The following EGFLAM variants were observed in gnomAD, a reference collection of about 807,000 sequenced individuals.
EGFLAM encodes the protein EGF like, fibronectin type III and laminin G domains.
Under a neutral mutation model 113.1 loss-of-function variants are expected in EGFLAM, and 79 were observed. The observed-to-expected ratio is 0.70, with a 90% CI of 0.58 to 0.84. The LOEUF is 0.84. Ranked by LOEUF, EGFLAM falls within the 40% of genes least tolerant of loss-of-function variation. The probability of loss-of-function intolerance (pLI) is 0.00; values close to 1 mark genes in which losing one functional copy is unlikely to be tolerated. For synonymous variants in EGFLAM, 504 were observed against 487.6 expected, an observed-to-expected ratio of 1.03 and a Z score of -0.44; for missense variants, 1,265 against 1,291.6, an observed-to-expected ratio of 0.98 and a Z score of 0.32.
chr5:38,458,203 A>C (rs1036280868), intron 19 of EGFLAM, 108 bp from the exon 20 acceptor site: 3 of 927,216 alleles, frequency 3.2e-6, no homozygotes, highest in African/African-American at 1.6e-5. Context: ...AGGAAACTGC[A>C]CTCTGAGTTG....
chr5:38,397,803 A>G (rs1741000491), intron 6 of EGFLAM, among the ~76,000 whole-genome samples: 1 of 150,900 alleles, frequency 6.6e-6, no homozygotes, highest in African/African-American at 2.5e-5. Flanking sequence ...CCCCATGAGC[A>G]AAGGGGACTT....
intron 1 of EGFLAM, among the ~76,000 whole-genome samples, chr5:38,328,567 C>T (rs928933905): frequency 1.3e-5 from 2 of 152,092 alleles, no homozygotes; most frequent in African/African-American, 4.8e-5. Context: ...AGCAATTTTT[C>T]GAGAGTAGTG....
intron 1 of EGFLAM, among the ~76,000 whole-genome samples, chr5:38,260,321 A>G (rs1757468284): frequency 6.6e-6 from 1 of 152,368 alleles, no homozygotes; most frequent in East Asian, 1.9e-4. Flanking sequence ...AGTTATATCT[A>G]TAGTTTTAAA....
At chr5:38,361,745 G>A (rs1381847696) in intron 5 of EGFLAM, among the ~76,000 whole-genome samples, 1 of 152,196 alleles carries the variant, frequency 6.6e-6, no homozygotes, top group Non-Finnish European at 1.5e-5. Flanking sequence ...TGATCTAGAG[G>A]ATGCCAGCAA....
chr5:38,450,742 C>T (rs1453424117), intron 18 of EGFLAM, among the ~76,000 whole-genome samples: 1 of 152,202 alleles, frequency 6.6e-6, no homozygotes, highest in East Asian at 1.9e-4. Context: ...AGCACCCCTC[C>T]TTTCCTCGAA....
At chr5:38,303,773 G>T (rs1758653910) in intron 1 of EGFLAM, among the ~76,000 whole-genome samples, 1 of 152,110 alleles carries the variant, frequency 6.6e-6, no homozygotes, top group Non-Finnish European at 1.5e-5. Flanking sequence ...CCAAAAAAAT[G>T]GTAACAGTCA....
chr5:38,375,060 G>GTTTTTTT (rs74821426), intron 6 of EGFLAM, among the ~76,000 whole-genome samples: 7 of 107,732 alleles, frequency 6.5e-5, no homozygotes, highest in African/African-American at 2.5e-4. Flanking sequence ...CTCTGTTGTT[G>GTTTTTTT]TTTTTTTTTT....
chr5:38,397,639 C>T (rs546319277), intron 6 of EGFLAM, among the ~76,000 whole-genome samples: 1 of 152,234 alleles, frequency 6.6e-6, no homozygotes, highest in Non-Finnish European at 1.5e-5. Flanking sequence ...GCTGTTTGCT[C>T]ACCATGTTTC....
At position 38,284,315 on chromosome 5, in the gene EGFLAM, A is replaced by G. The variant is rs376992479; in HGVS notation, c.97+25464A>G. On this transcript the variant is annotated intron_variant, in intron 1 of 21. Transcript: ENST00000322350. ...TGGATTCTTTAGAGCCAGGGTTAAC[A>G]AACTTTTTTTTGTAACAGGTCAGAC... Among the ~76,000 whole-genome samples the G allele has an allele frequency of 1.8e-4, 27 of 152,352 alleles. No homozygotes were observed. In the South Asian group the frequency reaches 5.6e-3, roughly 32 times the overall value.
At chr5:38,262,889 A>G (rs1227655023) in intron 1 of EGFLAM, among the ~76,000 whole-genome samples, 2 of 152,198 alleles carry the variant, frequency 1.3e-5, no homozygotes, top group Admixed American at 1.3e-4. Flanking sequence ...GTTGAGCTGG[A>G]TAAGAAATCA....
intron 3 of EGFLAM, among the ~76,000 whole-genome samples, chr5:38,341,421 C>T (rs559489670): frequency 2.0e-5 from 3 of 152,276 alleles, no homozygotes; most frequent in East Asian, 3.9e-4. Flanking sequence ...CTCACTATCA[C>T]GAGAACAGCA....
chr5:38,366,091 T>C (rs1740052014), intron 5 of EGFLAM, among the ~76,000 whole-genome samples: 1 of 152,170 alleles, frequency 6.6e-6, no homozygotes. Flanking sequence ...TTTGTCTGTC[T>C]CTTATGTAAA....
In EGFLAM at chr5:38,410,457, C is replaced by T. The variant is rs532312580; in HGVS notation, c.1349+1353C>T. On this transcript the variant is annotated intron_variant, in intron 10 of 21. Transcript: ENST00000322350. ...TTCAGGGTAAGCCTGTTTTGCAATG[C>T]CTCTTGACTGCATCTCACTTCACTG... is the stretch of plus-strand genomic sequence containing the variant. Among the ~76,000 whole-genome samples, 14 of 152,282 alleles carry T rather than the reference C, an allele frequency of 9.2e-5. No individual in the cohort carries two copies. The South Asian group carries it at 2.5e-3, about 27-fold the overall frequency.
chr5:38,379,199 T>TC (rs752700682), intron 6 of EGFLAM, among the ~76,000 whole-genome samples: 22,007 of 152,064 alleles, frequency 0.14, 1,727 homozygotes, highest in African/African-American at 0.2. Context: ...GAGGGAAGAC[T>TC]TTCCCTTTAC....
chr5:38,418,679 A>G (rs1741732754), intron 12 of EGFLAM, among the ~76,000 whole-genome samples: 1 of 152,192 alleles, frequency 6.6e-6, no homozygotes, highest in African/African-American at 2.4e-5. Flanking sequence ...CTAATTTGTG[A>G]TCGCTGTGCC....
intron 12 of EGFLAM, among the ~76,000 whole-genome samples, chr5:38,420,060 C>CA (rs1162802426): frequency 2.0e-5 from 3 of 152,106 alleles, no homozygotes; most frequent in East Asian, 3.9e-4. Flanking sequence ...CAAAACAAAA[C>CA]AAAAAACCAA....
intron 1 of EGFLAM, among the ~76,000 whole-genome samples, chr5:38,324,232 G>A (rs13436128): frequency 0.04 from 6,082 of 152,076 alleles, 410 homozygotes; most frequent in African/African-American, 0.14. Flanking sequence ...ATGTCTCCAC[G>A]TCTCTTATGG....
At chr5:38,267,035 G>C (rs1338205012) in intron 1 of EGFLAM, among the ~76,000 whole-genome samples, 1 of 152,104 alleles carries the variant, frequency 6.6e-6, no homozygotes, top group Admixed American at 6.5e-5. Flanking sequence ...GCTACCTAAG[G>C]AGAGGATATG....
At chr5:38,381,266 T>A (rs1740504407) in intron 6 of EGFLAM, among the ~76,000 whole-genome samples, 1 of 152,178 alleles carries the variant, frequency 6.6e-6, no homozygotes. Flanking sequence ...TTTCTTAGCA[T>A]CTAAATTCTT....
Sources: allele counts gnomAD v4.1 joint callset (sites outside exome capture counted in the v4.1 genomes callset), GRCh38; gene constraint gnomAD v4.1.1; transcripts MANE v1.5; gene names NCBI Gene and HGNC (gene_info 2026-07-23, HGNC 2026-07-21).